The following NSUN6 variants were observed in gnomAD, a reference collection of about 807,000 sequenced individuals.
NSUN6 encodes NOP2/Sun RNA methyltransferase 6, also known as tRNA (cytosine(72)-C(5))-methyltransferase NSUN6.
In NSUN6, 64 loss-of-function variants were observed where a neutral mutation model predicts 58.0. That is an observed-to-expected ratio of 1.10 (90% CI 0.90 to 1.36). The LOEUF is 1.36. Ranked by LOEUF, NSUN6 falls within the 40% of genes most tolerant of loss-of-function variation. The pLI is 0.00. For synonymous variants in NSUN6, 231 were observed against 193.9 expected, an observed-to-expected ratio of 1.19 and a Z score of -1.59; for missense variants, 701 against 550.1, an observed-to-expected ratio of 1.27 and a Z score of -2.74.
intron 7 of NSUN6, 107 bp downstream of exon 7, chr10:18,596,101 G>A: frequency 2.3e-6 from 2 of 877,114 alleles, no homozygotes; most frequent in East Asian, 4.9e-5. Flanking sequence ...TTTCATTTTG[G>A]CTGAATCTGA....
intron 5 of NSUN6, 43 bp from the exon 6 acceptor site, chr10:18,609,969 G>A: frequency 1.8e-6 from 2 of 1,139,234 alleles, no homozygotes; most frequent in Non-Finnish European, 2.7e-6. Flanking sequence ...TAAATTCCAT[G>A]GTCTATACAA....
chr10:18,554,897 GGAATA>G (rs1362067043), intron 8 of NSUN6, among the ~76,000 whole-genome samples: 2 of 150,418 alleles, frequency 1.3e-5, no homozygotes, highest in African/African-American at 4.9e-5. Context: ...AGAATGGAAT[GGAATA>G]GAGAATGGAA....
chr10:18,655,605 A>C (rs2059768419), upstream of NSUN6, among the ~76,000 whole-genome samples: 1 of 152,170 alleles, frequency 6.6e-6, no homozygotes, highest in African/African-American at 2.4e-5. Flanking sequence ...TGAAGATTTC[A>C]GGTGTTTAGG....
chr10:18,607,820 A>T (rs1017513235), intron 6 of NSUN6, among the ~76,000 whole-genome samples: 4 of 152,190 alleles, frequency 2.6e-5, no homozygotes, highest in Non-Finnish European at 5.9e-5. Flanking sequence ...CACACAACAA[A>T]CTACTCCTTT....
intron 2 of NSUN6, among the ~76,000 whole-genome samples, chr10:18,644,501 C>CCTTT (rs2059481945): frequency 6.8e-6 from 1 of 146,434 alleles, no homozygotes; most frequent in South Asian, 2.1e-4. Flanking sequence ...TAAGGTATGT[C>CCTTT]TTTTTTTTTT....
chr10:18,645,340 A>G (rs1314899905), intron 2 of NSUN6, among the ~76,000 whole-genome samples: 2 of 152,138 alleles, frequency 1.3e-5, no homozygotes, highest in East Asian at 3.8e-4. Flanking sequence ...TATATAAAAT[A>G]TTGTATAAAA....
chr10:18,635,411 T>G (rs2059179501), intron 3 of NSUN6, among the ~76,000 whole-genome samples: 1 of 152,288 alleles, frequency 6.6e-6, no homozygotes, highest in Admixed American at 6.5e-5. Flanking sequence ...GTAGGTAATA[T>G]CTGTGCCAGA....
At chr10:18,570,572 A>T in intron 8 of NSUN6, among the ~76,000 whole-genome samples, 1 of 132,766 alleles carries the variant, frequency 7.5e-6, no homozygotes, top group African/African-American at 2.9e-5. Flanking sequence ...ATTCCAATCC[A>T]GTGTCCATTC....
chr10:18,597,825 A>G (rs927423281), intron 6 of NSUN6, among the ~76,000 whole-genome samples: 4 of 152,208 alleles, frequency 2.6e-5, no homozygotes, highest in African/African-American at 7.2e-5. Flanking sequence ...GATGGCTACA[A>G]CATTCTCAAG....
chr10:18,586,405 G>A (rs1172345206), intron 7 of NSUN6, among the ~76,000 whole-genome samples: 4 of 152,266 alleles, frequency 2.6e-5, no homozygotes, highest in South Asian at 2.1e-4. Context: ...TCTTCCTTCC[G>A]GTCGGTTCAT....
intron 8 of NSUN6, 152 bp from the exon 9 acceptor site, chr10:18,552,123 A>G: frequency 3.4e-6 from 2 of 580,504 alleles, no homozygotes; most frequent in Non-Finnish European, 6.1e-6. Context: ...ACTAATTTTG[A>G]CTTATACCTA....
At chr10:18,596,754 C>A (rs1350887541) in intron 6 of NSUN6, among the ~76,000 whole-genome samples, 1 of 152,132 alleles carries the variant, frequency 6.6e-6, no homozygotes, top group Non-Finnish European at 1.5e-5. Flanking sequence ...TTGGTCTCAG[C>A]GGTCATTACT....
At position 18,608,229 on chromosome 10, in the gene NSUN6, T is replaced by C. The variant is rs571773646; in HGVS notation, c.657+1616A>G. ...ATGAATCACAAAATGACTCACAATA[T>C]TTCATAAAGTCATCATTAAACTGAT... On this transcript the variant is annotated intron_variant, in intron 6 of 10. Coordinates refer to ENST00000377304, the MANE Select transcript of NSUN6 (RefSeq NM_182543.5). Among the ~76,000 whole-genome samples, 12 of 152,266 alleles carry C rather than the reference T, an allele frequency of 7.9e-5. No homozygotes were observed. In the East Asian group the frequency reaches 2.1e-3, roughly 27 times the overall value.
At chr10:18,571,679 AATTCCATCTCC>A (rs1328252688) in intron 8 of NSUN6, among the ~76,000 whole-genome samples, 15 of 144,754 alleles carry the variant, frequency 1.0e-4, no homozygotes, top group Admixed American at 8.2e-4. Flanking sequence ...TTCCAATCTC[AATTCCATCTCC>A]ATTCCATTCT....
At chr10:18,575,376 A>C (rs927736919) in intron 8 of NSUN6, among the ~76,000 whole-genome samples, 4 of 152,214 alleles carry the variant, frequency 2.6e-5, no homozygotes, top group Non-Finnish European at 5.9e-5. Context: ...TAAAATATTT[A>C]CTAGTGATAG....
intron 10 of NSUN6, among the ~76,000 whole-genome samples, chr10:18,547,040 T>C (rs2133372496): frequency 1.3e-5 from 2 of 152,310 alleles, no homozygotes; most frequent in East Asian, 3.9e-4. Flanking sequence ...TTTGGGCATC[T>C]AAGGTACCTC....
At position 18,596,321 on chromosome 10, in the gene NSUN6, G is replaced by A. The variant is rs867156853; in HGVS notation, c.664C>T (p.Pro222Ser). Residue 222 changes from proline to serine, a missense_variant, in exon 7 of 11, where the codon CCA becomes TCA. Physicochemically the swap from Pro to Ser is moderately conservative, Grantham distance 74. Coordinates refer to ENST00000377304, the MANE Select transcript of NSUN6 (RefSeq NM_182543.5). ...LPRYLFLQNL[P>S]SALVSHVLNP... The stretch of plus-strand genomic sequence containing the variant: ...AGTACATGACTTACTAAGGCAGATG[G>A]CAAATTCTATAAGGAAAAAAATGTA... 3 of 1,571,610 alleles carry A rather than the reference G, an allele frequency of 1.9e-6. No individual in the cohort carries two copies. The highest frequency in any genetic ancestry group is 3.4e-5 in the Admixed American group (2 of 59,608).
At chr10:18,580,269 G>C (rs1453076408) in intron 8 of NSUN6, among the ~76,000 whole-genome samples, 1 of 152,150 alleles carries the variant, frequency 6.6e-6, no homozygotes, top group Non-Finnish European at 1.5e-5. Context: ...CTGTGCATTT[G>C]TGCCATGACC....
chr10:18,628,044 C>G lies in NSUN6; in HGVS notation c.312-11751G>C, dbSNP rs868393833. On this transcript the variant is annotated intron_variant, in intron 3 of 10. Transcript: ENST00000377304. ...TTGAAGAGAGCAGTGGTTCTCCCAG[C>G]ACGCAGCTGGAGATCTGAGAACGGG... 1.1e-4 allele frequency among the ~76,000 whole-genome samples: 17 copies of G among 152,330 alleles called. No individual in the cohort carries two copies. In the Middle Eastern group the frequency reaches 0.024, roughly 213 times the overall value.
Sources: allele counts gnomAD v4.1 joint callset (sites outside exome capture counted in the v4.1 genomes callset), GRCh38; gene constraint gnomAD v4.1.1; transcripts MANE v1.5; gene names NCBI Gene and HGNC (gene_info 2026-07-23, HGNC 2026-07-21).